Variants in MAD1L1 observed in about 807,000 individuals in gnomAD.
MAD1L1 encodes the protein mitotic arrest deficient 1 like 1, also known as mitotic spindle assembly checkpoint protein MAD1.
MAD1L1 carries 95 observed loss-of-function variants against 96.9 expected under a neutral mutation model. The observed-to-expected ratio is 0.98, with a 90% CI of 0.83 to 1.16. The LOEUF is 1.16. MAD1L1 is among the 50% of genes most tolerant of loss of function. The pLI is 0.00. For synonymous variants in MAD1L1, 473 were observed against 396.6 expected, an observed-to-expected ratio of 1.19 and a Z score of -2.29; for missense variants, 1,007 against 954.4, an observed-to-expected ratio of 1.06 and a Z score of -0.73.
intron 11 of MAD1L1, among the ~76,000 whole-genome samples, chr7:2,131,641 G>A (rs1348136100): frequency 1.3e-5 from 2 of 152,334 alleles, no homozygotes; most frequent in East Asian, 3.9e-4. Context: ...GCCTGCACCA[G>A]CTGGGCCCCC....
chr7:2,078,248 C>G (rs1207346220), intron 11 of MAD1L1, among the ~76,000 whole-genome samples: 1 of 152,160 alleles, frequency 6.6e-6, no homozygotes, highest in Non-Finnish European at 1.5e-5. Flanking sequence ...TTGAGAGGGT[C>G]CCGCCTACCT....
chr7:1,865,616 C>T (rs1784742306), intron 18 of MAD1L1, among the ~76,000 whole-genome samples: 1 of 152,236 alleles, frequency 6.6e-6, no homozygotes, highest in Non-Finnish European at 1.5e-5. Context: ...TTAATACCAT[C>T]ACCTCAGTGT....
chr7:1,828,312 C>T (rs1418949462), intron 18 of MAD1L1, among the ~76,000 whole-genome samples: 4 of 152,144 alleles, frequency 2.6e-5, no homozygotes, highest in Admixed American at 6.5e-5. Context: ...GGCAGGGCCT[C>T]GCGGGACCCG....
At chr7:2,098,833 C>G (rs1786633810) in intron 11 of MAD1L1, among the ~76,000 whole-genome samples, 1 of 152,176 alleles carries the variant, frequency 6.6e-6, no homozygotes, top group South Asian at 2.1e-4. Flanking sequence ...GAGGTGGGCC[C>G]AAGGGGAAAT....
intron 16 of MAD1L1, among the ~76,000 whole-genome samples, chr7:1,946,887 C>T (rs1487688883): frequency 6.6e-6 from 1 of 152,240 alleles, no homozygotes; most frequent in Non-Finnish European, 1.5e-5. Flanking sequence ...TCCAGGAGGC[C>T]TCGGCCTCGA....
chr7:2,071,714 C>G (rs1785137539), intron 11 of MAD1L1, among the ~76,000 whole-genome samples: 2 of 152,096 alleles, frequency 1.3e-5, no homozygotes, highest in African/African-American at 2.4e-5. Flanking sequence ...AGGCCTCCAT[C>G]AAAACCCAAA....
intron 18 of MAD1L1, among the ~76,000 whole-genome samples, chr7:1,851,196 G>A (rs1447269641): frequency 6.6e-6 from 1 of 152,122 alleles, no homozygotes; most frequent in East Asian, 1.9e-4. Flanking sequence ...AGACCAGAGC[G>A]GGCGGCAGGA....
chr7:2,081,958 A>C lies in MAD1L1; in HGVS notation c.1074-12620T>G, dbSNP rs964971989. Among the ~76,000 whole-genome samples the C allele has an allele frequency of 3.9e-5, 6 of 152,348 alleles. No homozygotes were observed. The East Asian group carries it at 1.2e-3, about 30-fold the overall frequency. On this transcript the variant is annotated intron_variant, in intron 11 of 18. Coordinates refer to ENST00000265854, the MANE Select transcript of MAD1L1 (RefSeq NM_001013836.2). ...CAATAACAGCAAGGTAGCAGCTTCC[A>C]GGGACAGAGGAAAATCTGATCATGG...
chr7:1,957,812 A>G (rs1416013209), intron 15 of MAD1L1, 93 bp from the exon 16 acceptor site: 15 of 1,042,160 alleles, frequency 1.4e-5, no homozygotes, highest in Non-Finnish European at 2.1e-5. Context: ...AAAGGTTAGG[A>G]GACCCAGCTA....
At chr7:1,823,243 C>T (rs1362444953) in intron 18 of MAD1L1, among the ~76,000 whole-genome samples, 1 of 152,068 alleles carries the variant, frequency 6.6e-6, no homozygotes, top group Admixed American at 6.6e-5. Context: ...CGAAACCTCA[C>T]ATCTCAAATA....
At chr7:2,148,312 T>C (rs1789408162) in intron 11 of MAD1L1, 1 of 152,740 alleles carries the variant, frequency 6.5e-6, no homozygotes, top group African/African-American at 2.4e-5. Flanking sequence ...TGGTCAGCCG[T>C]GCAGGGCGCA....
chr7:1,983,589 T>A (rs1480292138), intron 14 of MAD1L1, among the ~76,000 whole-genome samples: 1 of 152,252 alleles, frequency 6.6e-6, no homozygotes. Context: ...CTCAATTTTT[T>A]AATTTTTGCT....
At chr7:1,819,682 GGGCACGGACAAGA>G (rs998734597) in intron 18 of MAD1L1, among the ~76,000 whole-genome samples, 1 of 152,136 alleles carries the variant, frequency 6.6e-6, no homozygotes, top group African/African-American at 2.4e-5. Context: ...GTGTCCCAGC[GGGCACGGACAAGA>G]GGCACGGAGT....
intron 10 of MAD1L1, among the ~76,000 whole-genome samples, chr7:2,179,982 AG>A (rs11311632): frequency 0.27 from 40,346 of 148,804 alleles, 6,259 homozygotes; most frequent in African/African-American, 0.42. Context: ...AAAAAAAAAA[AG>A]AAAAGAAAAG....
intron 14 of MAD1L1, among the ~76,000 whole-genome samples, chr7:1,992,745 G>A (rs1039680843): frequency 1.3e-5 from 2 of 152,182 alleles, no homozygotes; most frequent in African/African-American, 4.8e-5. Context: ...AAGCCCCCAG[G>A]CGGCCCAGTC....
intron 15 of MAD1L1, among the ~76,000 whole-genome samples, chr7:1,969,407 C>A (rs1044391906): frequency 1.3e-5 from 2 of 151,950 alleles, no homozygotes; most frequent in African/African-American, 4.8e-5. Context: ...ATAAATAAAA[C>A]AAAAAACCTA....
chr7:1,988,738 G>T (rs965921041), intron 14 of MAD1L1, among the ~76,000 whole-genome samples: 1 of 152,236 alleles, frequency 6.6e-6, no homozygotes, highest in African/African-American at 2.4e-5. Context: ...CTGGAGGACA[G>T]GATTCCCGGC....
intron 11 of MAD1L1, among the ~76,000 whole-genome samples, chr7:2,091,349 ATG>A (rs1273171467): frequency 6.6e-6 from 1 of 152,146 alleles, no homozygotes; most frequent in Non-Finnish European, 1.5e-5. Flanking sequence ...CAGTACAGGT[ATG>A]TGCCAGCCCT....
intron 17 of MAD1L1, among the ~76,000 whole-genome samples, chr7:1,907,428 T>C (rs959368237): frequency 6.6e-6 from 1 of 152,248 alleles, no homozygotes; most frequent in Non-Finnish European, 1.5e-5. Flanking sequence ...TTAACCAATG[T>C]TGGGATTTTC....
Sources: gnomAD v4.1 joint callset for allele counts (sites outside exome capture counted in the v4.1 genomes callset) on GRCh38, gnomAD v4.1.1 for gene constraint, MANE v1.5 for transcripts, NCBI Gene and HGNC (gene_info 2026-07-23, HGNC 2026-07-21) for gene names.